DRD3: variants seen among roughly 807,000 people sequenced by gnomAD.
DRD3 encodes dopamine receptor D3.
In DRD3, 19 loss-of-function variants were observed where a neutral mutation model predicts 36.3. That is an observed-to-expected ratio of 0.52 (90% confidence interval 0.36 to 0.77). DRD3 has a LOEUF of 0.77. Among genes scored for constraint, DRD3 ranks in the 30% least tolerant of loss-of-function variants. The pLI is 0.00. For synonymous variants in DRD3, 195 were observed against 203.7 expected (o/e 0.96, Z 0.36); for missense variants, 465 against 505.3 (o/e 0.92, Z 0.77).
chr3:114,169,721 A>G (rs1303674675), intron 2 of DRD3, among the ~76,000 whole-genome samples: 6 of 152,098 alleles, frequency 3.9e-5, no homozygotes, highest in Non-Finnish European at 8.8e-5. Context: ...TATGCTCAGT[A>G]GTAGAATAGG....
intron 1 of DRD3, among the ~76,000 whole-genome samples, chr3:114,196,711 C>T (rs995505716): frequency 1.3e-5 from 2 of 152,158 alleles, no homozygotes; most frequent in Non-Finnish European, 2.9e-5. Context: ...TTTTAACTTG[C>T]GTTTCTCTAA....
At chr3:114,164,499 A>G (rs2077764329) in intron 2 of DRD3, among the ~76,000 whole-genome samples, 1 of 152,108 alleles carries the variant, frequency 6.6e-6, no homozygotes, top group Non-Finnish European at 1.5e-5. Context: ...TTTACTGATT[A>G]TAAGGCAGCA....
chr3:114,164,053 T>C (rs985108650), intron 2 of DRD3, among the ~76,000 whole-genome samples: 11 of 150,044 alleles, frequency 7.3e-5, no homozygotes. Flanking sequence ...AAACCCTGTC[T>C]CTACTAAAAA....
At position 114,131,449 on chromosome 3, in the gene DRD3, AT is replaced by A. The variant is rs1235339042; in HGVS notation, c.724-50del. 1.9e-6 allele frequency: 3 copies of A among 1,567,876 alleles called. No individual in the cohort carries two copies. In the African/African-American group the frequency reaches 4.1e-5, roughly 21 times the overall value. ...CTTGACATTTCTGGGGGTATTGTTT[AT>A]CTTCTGAATGTTCCTGAAAGGGCCA... is the stretch of plus-strand genomic sequence containing the variant. On this transcript the variant is annotated intron_variant, in intron 5 of 6. Transcript: ENST00000383673.
intron 5 of DRD3, among the ~76,000 whole-genome samples, chr3:114,134,187 A>G (rs1041261203): frequency 1.3e-5 from 2 of 152,224 alleles, no homozygotes; most frequent in Non-Finnish European, 2.9e-5. Flanking sequence ...CTAGGTACAC[A>G]GAACTGGCAC....
At chr3:114,156,743 TTTTC>T (rs1158303889) in intron 3 of DRD3, among the ~76,000 whole-genome samples, 38 of 20,762 alleles carry the variant, frequency 1.8e-3, no homozygotes, top group African/African-American at 3.6e-3. Context: ...CTTTCTTTCT[TTTTC>T]TTTCTTTCTT....
At position 114,171,723 on chromosome 3, in the gene DRD3, C is replaced by T; in HGVS notation, c.270G>A (p.Glu90=). 6.3e-7 allele frequency: 1 copy of T among 1,597,470 alleles called. No individual in the cohort carries two copies. Among genetic ancestry groups the T allele is most frequent in the Non-Finnish European group, 8.5e-7 (1 of 1,171,438 alleles). The change falls in exon 2 of 7, where the codon GAG becomes GAA. Residue 90 remains glutamate, a splice_region_variant and synonymous_variant. Coordinates refer to ENST00000383673, the MANE Select transcript of DRD3 (RefSeq NM_000796.6). ...TLVMPWVVYL[E]VTGGVWNFSR... ...CAACATGCACCTGAAGTCTACTCAC[C>T]TCCAGGTATACCACCCAGGGCATCA...
intron 2 of DRD3, among the ~76,000 whole-genome samples, chr3:114,168,706 G>A (rs1419806494): frequency 1.3e-5 from 2 of 152,218 alleles, no homozygotes; most frequent in Non-Finnish European, 2.9e-5. Context: ...TCTGGTCTGT[G>A]ATGACACCAT....
intron 1 of DRD3, among the ~76,000 whole-genome samples, chr3:114,174,250 A>G (rs887613214): frequency 1.3e-5 from 2 of 152,172 alleles, no homozygotes; most frequent in African/African-American, 2.4e-5. Context: ...CCCACTTTTA[A>G]GGCAGGCTGA....
At chr3:114,157,511 A>G (rs2077693639) in intron 3 of DRD3, among the ~76,000 whole-genome samples, 1 of 152,032 alleles carries the variant, frequency 6.6e-6, no homozygotes, top group Admixed American at 6.5e-5. Context: ...CTCTGTCACT[A>G]TGTTGTGGCA....
At chr3:114,143,621 G>A (rs1173642251) in intron 4 of DRD3, among the ~76,000 whole-genome samples, 1 of 152,132 alleles carries the variant, frequency 6.6e-6, no homozygotes, top group East Asian at 1.9e-4. Context: ...TTTAGGATGG[G>A]CCTGTTATTC....
At chr3:114,153,901 A>C (rs2077641455) in intron 3 of DRD3, among the ~76,000 whole-genome samples, 1 of 152,198 alleles carries the variant, frequency 6.6e-6, no homozygotes, top group Non-Finnish European at 1.5e-5. Context: ...AAGAGTTCTT[A>C]GTGTCTGGCA....
At chr3:114,159,689 T>C in intron 3 of DRD3, 66 bp downstream of exon 3, 1 of 1,352,520 alleles carries the variant, frequency 7.4e-7, no homozygotes, top group Non-Finnish European at 1.1e-6. Context: ...TACCCTCAAG[T>C]GCACAATCTG....
intron 1 of DRD3, chr3:114,199,139 A>G (rs1480552408): frequency 2.0e-5 from 3 of 152,210 alleles, no homozygotes; most frequent in Non-Finnish European, 4.4e-5. Flanking sequence ...TTTTTCTTCC[A>G]TGATGTCTAA....
At chr3:114,156,763 C>CTTTCTT (rs2077676353) in intron 3 of DRD3, among the ~76,000 whole-genome samples, 28 of 102,050 alleles carry the variant, frequency 2.7e-4, no homozygotes, top group African/African-American at 9.2e-4. Flanking sequence ...TTCTTTCTTT[C>CTTTCTT]TTTCTTTCTT....
At chr3:114,147,380 C>T (rs1478440654) in intron 4 of DRD3, 35 bp downstream of exon 4, 1 of 1,600,948 alleles carries the variant, frequency 6.2e-7, no homozygotes. Flanking sequence ...TGCTGTGAAT[C>T]ACATGGATGC....
At chr3:114,145,777 G>T (rs2077564994) in intron 4 of DRD3, among the ~76,000 whole-genome samples, 1 of 152,136 alleles carries the variant, frequency 6.6e-6, no homozygotes, top group Non-Finnish European at 1.5e-5. Flanking sequence ...GTAATAAGTT[G>T]TATGGTACAT....
At chr3:114,183,898 G>A (rs1199622913), upstream of DRD3, among the ~76,000 whole-genome samples, 1 of 151,996 alleles carries the variant, frequency 6.6e-6, no homozygotes. Flanking sequence ...CAGCAATCAT[G>A]TGTTTTTTAT....
chr3:114,131,195 A>C lies in DRD3; in HGVS notation c.929T>G (p.Leu310Trp), dbSNP rs1165623250. 6.2e-7 allele frequency: 1 copy of C among 1,614,168 alleles called. No individual in the cohort carries two copies. The highest frequency in any genetic ancestry group is 1.3e-5 in the African/African-American group (1 of 75,046). ...CCGAGGTTGCAGGGGCCCCAGCTTC[A>C]AAGATGTCGATAATCTGCCATTGCT... ...KLSNGRLSTSLKLGPLQPRGV... is the reference protein window; with the variant it reads ...KLSNGRLSTSWKLGPLQPRGV... Residue 310 changes from leucine (L) to tryptophan (W), a missense_variant, in exon 6 of 7, where the codon TTG becomes TGG. By Grantham distance (61) the Leu-to-Trp change is moderately conservative. Transcript: ENST00000383673.
Sources: allele counts gnomAD v4.1 joint callset (sites outside exome capture counted in the v4.1 genomes callset), GRCh38; gene constraint gnomAD v4.1.1; transcripts MANE v1.5; gene names NCBI Gene and HGNC (gene_info 2026-07-23, HGNC 2026-07-21).